The following GRIA1 variants were observed in gnomAD, a reference collection of about 807,000 sequenced individuals.
The protein encoded by GRIA1 is glutamate receptor 1.
In GRIA1, 31 loss-of-function variants were observed where a neutral mutation model predicts 99.2. That is an observed-to-expected ratio of 0.31 (90% CI 0.23 to 0.42). The LOEUF (loss-of-function observed/expected upper bound fraction) is 0.42, where lower values mean the gene tolerates loss of function less well. Among genes scored for constraint, GRIA1 ranks in the 10% least tolerant of loss-of-function variants. The probability of loss-of-function intolerance (pLI) is 1.00; values close to 1 mark genes in which losing one functional copy is unlikely to be tolerated. For missense variants in GRIA1, 782 were observed against 1,157.5 expected, an observed-to-expected ratio of 0.68 and a Z score of 4.71; for synonymous variants, 438 against 432.4, an observed-to-expected ratio of 1.01 and a Z score of -0.16.
intron 15 of GRIA1, among the ~76,000 whole-genome samples, chr5:153,808,725 C>T (rs1766608560): frequency 6.6e-6 from 1 of 152,212 alleles, no homozygotes; most frequent in Non-Finnish European, 1.5e-5. Context: ...TTGCTTTCCA[C>T]TGCAAAGTTT....
chr5:153,636,277 G>T (rs1753354184), intron 2 of GRIA1, among the ~76,000 whole-genome samples: 1 of 152,176 alleles, frequency 6.6e-6, no homozygotes, highest in Non-Finnish European at 1.5e-5. Flanking sequence ...GAATGTAGGA[G>T]ATTGAAAATT....
chr5:153,619,932 C>T lies in GRIA1; in HGVS notation c.221-26996C>T, dbSNP rs1493401. ...CCAAACTCCACCCCAGAGCACTTAC[C>T]GCTTCCCTGTAGATAAATATAAGGA... is the stretch of plus-strand genomic sequence containing the variant. On this transcript the variant is annotated intron_variant, in intron 2 of 15. Coordinates refer to ENST00000285900, the MANE Select transcript of GRIA1 (RefSeq NM_000827.4). Among the ~76,000 whole-genome samples, 752 of 152,186 alleles carry T rather than the reference C, an allele frequency of 4.9e-3. 4 individuals carry two copies. Among genetic ancestry groups the T allele is most frequent in the Admixed American group, 7.3e-3 (112 of 15,294 alleles).
intron 2 of GRIA1, among the ~76,000 whole-genome samples, chr5:153,506,315 G>GTTT (rs1328671978): frequency 2.7e-5 from 3 of 111,998 alleles, no homozygotes; most frequent in African/African-American, 6.3e-5. Flanking sequence ...ATGGCAAGAA[G>GTTT]GGTGTGTGTG....
chr5:153,632,154 C>T (rs924677282), intron 2 of GRIA1, among the ~76,000 whole-genome samples: 5 of 151,864 alleles, frequency 3.3e-5, no homozygotes, highest in East Asian at 1.9e-4. Context: ...TGGATGAGAA[C>T]GGAAAAAGGG....
intron 6 of GRIA1, among the ~76,000 whole-genome samples, chr5:153,676,188 G>T (rs1310212954): frequency 6.6e-6 from 1 of 152,130 alleles, no homozygotes; most frequent in African/African-American, 2.4e-5. Flanking sequence ...AGAAGTGAGA[G>T]AATTAAATTT....
intron 2 of GRIA1, among the ~76,000 whole-genome samples, chr5:153,564,310 T>A (rs541528146): frequency 6.6e-6 from 1 of 152,252 alleles, no homozygotes; most frequent in Non-Finnish European, 1.5e-5. Context: ...GGGGTCCAAA[T>A]GCTGGTAAGA....
At chr5:153,751,990 T>C (rs1762539637) in intron 11 of GRIA1, among the ~76,000 whole-genome samples, 1 of 152,200 alleles carries the variant, frequency 6.6e-6, no homozygotes, top group African/African-American at 2.4e-5. Flanking sequence ...CACTTGGATC[T>C]CGGCAGTCAG....
intron 2 of GRIA1, among the ~76,000 whole-genome samples, chr5:153,546,000 G>A (rs976647314): frequency 2.0e-4 from 31 of 152,138 alleles, no homozygotes; most frequent in African/African-American, 7.2e-4. Context: ...AACAAAGTGA[G>A]GGCCAACAAT....
chr5:153,603,959 A>G (rs969935682), intron 2 of GRIA1, among the ~76,000 whole-genome samples: 4 of 152,222 alleles, frequency 2.6e-5, no homozygotes, highest in Non-Finnish European at 5.9e-5. Context: ...TACTATACAT[A>G]TACATGTATT....
chr5:153,641,629 C>T (rs748293470), intron 2 of GRIA1, among the ~76,000 whole-genome samples: 2 of 152,182 alleles, frequency 1.3e-5, no homozygotes, highest in Non-Finnish European at 2.9e-5. Context: ...CCTGAATGCT[C>T]TCTCTATCTC....
chr5:153,720,182 A>T (rs1290253128), intron 11 of GRIA1, among the ~76,000 whole-genome samples: 1 of 152,244 alleles, frequency 6.6e-6, no homozygotes, highest in African/African-American at 2.4e-5. Context: ...CATAGCCGGT[A>T]AAGTTAGCAT....
intron 2 of GRIA1, among the ~76,000 whole-genome samples, chr5:153,517,954 C>T (rs1756782923): frequency 6.6e-6 from 1 of 152,206 alleles, no homozygotes; most frequent in African/African-American, 2.4e-5. Context: ...CCTCTTGCCC[C>T]TCTCTCATGT....
chr5:153,700,495 C>T (rs921671890), intron 10 of GRIA1, among the ~76,000 whole-genome samples: 6 of 152,096 alleles, frequency 3.9e-5, no homozygotes, highest in South Asian at 2.1e-4. Context: ...AATGAGAAAA[C>T]GCATGGTTTT....
At chr5:153,759,877 C>T (rs1425611841) in intron 11 of GRIA1, among the ~76,000 whole-genome samples, 1 of 152,022 alleles carries the variant, frequency 6.6e-6, no homozygotes, top group Admixed American at 6.6e-5. Context: ...CCCAGGGATG[C>T]AAGAATGGTT....
At chr5:153,670,969 A>G (rs539993443) in intron 5 of GRIA1, among the ~76,000 whole-genome samples, 1 of 152,362 alleles carries the variant, frequency 6.6e-6, no homozygotes, top group East Asian at 1.9e-4. Flanking sequence ...AGGAGGGAAG[A>G]TGTCAGCTAT....
chr5:153,528,285 G>A (rs1581179185), intron 2 of GRIA1, among the ~76,000 whole-genome samples: 2 of 151,908 alleles, frequency 1.3e-5, no homozygotes, highest in South Asian at 4.2e-4. Flanking sequence ...ATGTTTTTGG[G>A]TTTTTGATCT....
intron 2 of GRIA1, among the ~76,000 whole-genome samples, chr5:153,607,385 G>A (rs1477044615): frequency 1.3e-5 from 2 of 150,678 alleles, no homozygotes; most frequent in East Asian, 1.9e-4. Context: ...TAATTTGCAG[G>A]GCTTTTTCCT....
At chr5:153,531,849 T>A (rs986333795) in intron 2 of GRIA1, among the ~76,000 whole-genome samples, 1 of 152,168 alleles carries the variant, frequency 6.6e-6, no homozygotes, top group Non-Finnish European at 1.5e-5. Context: ...CATAAGGAAA[T>A]ACCATTATTA....
intron 2 of GRIA1, among the ~76,000 whole-genome samples, chr5:153,613,092 G>T (rs552167290): frequency 2.0e-5 from 3 of 152,050 alleles, no homozygotes; most frequent in Non-Finnish European, 4.4e-5. Flanking sequence ...GTCCTTTTTG[G>T]ACTAAAGCTC....
Sources: allele counts gnomAD v4.1 joint callset (sites outside exome capture counted in the v4.1 genomes callset), GRCh38; gene constraint gnomAD v4.1.1; transcripts MANE v1.5; gene names NCBI Gene and HGNC (gene_info 2026-07-23, HGNC 2026-07-21).